Variants in CEP112 observed in about 807,000 individuals in gnomAD.
CEP112 encodes the protein centrosomal protein 112.
A neutral mutation model predicts 153.0 loss-of-function variants in CEP112; 127 were observed. That is an observed-to-expected ratio of 0.83 (90% CI 0.72 to 0.96). The LOEUF (loss-of-function observed/expected upper bound fraction) is 0.96, where lower values mean the gene tolerates loss of function less well. Ranked by LOEUF, CEP112 falls within the 40% of genes least tolerant of loss-of-function variation. The probability of loss-of-function intolerance (pLI) is 0.00; values close to 1 mark genes in which losing one functional copy is unlikely to be tolerated. For missense variants in CEP112, 1,089 were observed against 1,101.2 expected (o/e 0.99, Z 0.16); for synonymous variants, 358 against 374.4 (o/e 0.96, Z 0.51).
intron 17 of CEP112, among the ~76,000 whole-genome samples, chr17:65,969,271 C>T (rs1227435898): frequency 6.6e-6 from 1 of 151,834 alleles, no homozygotes; most frequent in African/African-American, 2.4e-5. Flanking sequence ...TTTTAGTAAA[C>T]ATGGGGTTTT....
At chr17:65,917,718 A>G (rs2060545947) in intron 19 of CEP112, among the ~76,000 whole-genome samples, 1 of 151,958 alleles carries the variant, frequency 6.6e-6, no homozygotes, top group Non-Finnish European at 1.5e-5. Flanking sequence ...GAGGCACAGG[A>G]GACAGACCTG....
intron 24 of CEP112, among the ~76,000 whole-genome samples, chr17:65,666,301 A>T (rs1374988339): frequency 2.0e-5 from 3 of 152,208 alleles, no homozygotes; most frequent in Non-Finnish European, 4.4e-5. Flanking sequence ...GACCTTCTCC[A>T]TTGCTGGTCA....
chr17:65,845,566 C>T (rs1303029500), intron 21 of CEP112, among the ~76,000 whole-genome samples: 1 of 152,146 alleles, frequency 6.6e-6, no homozygotes, highest in Non-Finnish European at 1.5e-5. Flanking sequence ...TTACACCTTT[C>T]TCCACTTTCC....
At chr17:66,064,877 G>C (rs957095010) in intron 10 of CEP112, among the ~76,000 whole-genome samples, 3 of 152,086 alleles carry the variant, frequency 2.0e-5, no homozygotes, top group Non-Finnish European at 4.4e-5. Flanking sequence ...AAACCTAAAC[G>C]AATTTATAAT....
intron 17 of CEP112, among the ~76,000 whole-genome samples, chr17:66,000,283 A>T (rs2063975563): frequency 6.8e-6 from 1 of 146,758 alleles, no homozygotes. Flanking sequence ...ATGGTATCTC[A>T]TTGTGGTTTT....
chr17:66,088,174 C>T (rs2146223860), intron 8 of CEP112, among the ~76,000 whole-genome samples: 1 of 152,108 alleles, frequency 6.6e-6, no homozygotes, highest in Non-Finnish European at 1.5e-5. Flanking sequence ...CCTGGCTAGC[C>T]TCTGTAGCCC....
intron 16 of CEP112, among the ~76,000 whole-genome samples, chr17:66,019,710 G>A (rs1371689541): frequency 6.6e-6 from 1 of 152,120 alleles, no homozygotes; most frequent in African/African-American, 2.4e-5. Flanking sequence ...TAAAAAGCTA[G>A]GCCAATTGAT....
chr17:65,795,970 T>C (rs963608543), intron 21 of CEP112, among the ~76,000 whole-genome samples: 3 of 152,152 alleles, frequency 2.0e-5, no homozygotes, highest in Non-Finnish European at 4.4e-5. Flanking sequence ...ATTTACCCAT[T>C]TCAGGTAGAG....
intron 18 of CEP112, among the ~76,000 whole-genome samples, chr17:65,935,925 TAG>T (rs1230397413): frequency 1.3e-5 from 2 of 151,232 alleles, no homozygotes; most frequent in African/African-American, 4.9e-5. Context: ...AAAAATGAAA[TAG>T]AGACTAGAAA....
At chr17:65,846,641 T>C (rs540836604) in intron 21 of CEP112, among the ~76,000 whole-genome samples, 3 of 152,340 alleles carry the variant, frequency 2.0e-5, no homozygotes, top group South Asian at 4.1e-4. Flanking sequence ...CAATCTCGGC[T>C]CACTACAAGC....
At chr17:66,075,693 T>C (rs1433098925) in intron 8 of CEP112, among the ~76,000 whole-genome samples, 1 of 152,138 alleles carries the variant, frequency 6.6e-6, no homozygotes, top group Non-Finnish European at 1.5e-5. Flanking sequence ...TTATGGTGGA[T>C]GAGAGGCATG....
At chr17:65,809,352 T>C (rs1270614778) in intron 21 of CEP112, among the ~76,000 whole-genome samples, 2 of 152,228 alleles carry the variant, frequency 1.3e-5, no homozygotes, top group South Asian at 4.1e-4. Flanking sequence ...GTTTTTAGCA[T>C]GGAATTATAT....
intron 24 of CEP112, among the ~76,000 whole-genome samples, chr17:65,678,877 A>G (rs970993882): frequency 6.6e-6 from 1 of 152,150 alleles, no homozygotes; most frequent in Admixed American, 6.5e-5. Flanking sequence ...AGTGAGGTTA[A>G]AAACAAAGAG....
intron 21 of CEP112, among the ~76,000 whole-genome samples, chr17:65,839,201 A>G (rs564196409): frequency 9.9e-5 from 15 of 152,192 alleles, no homozygotes; most frequent in African/African-American, 3.4e-4. Context: ...ACACATACAC[A>G]CACACAAAGA....
At position 66,155,420 on chromosome 17, in the gene CEP112, C is replaced by T. The variant is rs1424902488; in HGVS notation, c.470+19624G>A. On this transcript the variant is annotated intron_variant, in intron 4 of 26. Transcript: ENST00000535342. Reference sequence around the variant, plus strand: ...ACAGACCAGGAGATTCCCTTAGGTGCCTACACCACCAGGGCCCTGGGTTTC... The same window carrying T: ...ACAGACCAGGAGATTCCCTTAGGTGTCTACACCACCAGGGCCCTGGGTTTC... Among the ~76,000 whole-genome samples the T allele has an allele frequency of 2.0e-5, 3 of 152,236 alleles. No homozygotes were observed. In the East Asian group the frequency reaches 5.8e-4, roughly 29 times the overall value.
intron 4 of CEP112, among the ~76,000 whole-genome samples, chr17:66,158,939 A>G (rs1416509420): frequency 6.6e-6 from 1 of 152,212 alleles, no homozygotes; most frequent in Admixed American, 6.5e-5. Flanking sequence ...GATTAACAAA[A>G]TAGATAGATC....
At chr17:65,884,713 T>TC (rs2059210025) in intron 20 of CEP112, among the ~76,000 whole-genome samples, 1 of 149,816 alleles carries the variant, frequency 6.7e-6, no homozygotes. Flanking sequence ...TTTCTTTTTT[T>TC]TTTTTCTTTT....
chr17:66,157,088 A>C (rs1470070941), intron 4 of CEP112, among the ~76,000 whole-genome samples: 1 of 152,192 alleles, frequency 6.6e-6, no homozygotes, highest in Non-Finnish European at 1.5e-5. Flanking sequence ...AGATTCACCA[A>C]GGTTGCAATG....
At chr17:65,790,560 A>T (rs2054531098) in intron 21 of CEP112, among the ~76,000 whole-genome samples, 1 of 152,104 alleles carries the variant, frequency 6.6e-6, no homozygotes, top group African/African-American at 2.4e-5. Context: ...GCTCTAAATC[A>T]TTCTCTCTTC....
Sources: gnomAD v4.1 joint callset for allele counts (sites outside exome capture counted in the v4.1 genomes callset) on GRCh38, gnomAD v4.1.1 for gene constraint, MANE v1.5 for transcripts, NCBI Gene and HGNC (gene_info 2026-07-23, HGNC 2026-07-21) for gene names.